The following ECHDC3 variants were observed in gnomAD, a reference collection of about 807,000 sequenced individuals.
ECHDC3 encodes enoyl-CoA hydratase domain-containing protein 3, mitochondrial.
A neutral mutation model predicts 17.9 loss-of-function variants in ECHDC3; 20 were observed. The observed-to-expected ratio is 1.12, with a 90% CI of 0.79 to 1.63. ECHDC3 has a LOEUF of 1.63. ECHDC3 is among the 40% of genes most tolerant of loss of function. The pLI is 0.00. For missense variants in ECHDC3, 407 were observed against 357.7 expected (o/e 1.14, Z -1.11); for synonymous variants, 177 against 149.7 (o/e 1.18, Z -1.33).
chr10:11,763,566 C>A lies in ECHDC3; in HGVS notation c.*22C>A. ...GTGAGTGGAGGCAGAGGAGTGAGGC[C>A]CACGGGCAGCGCCCAGGAGCCCACC... On this transcript the variant is annotated 3_prime_UTR_variant, in exon 5 of 5. Coordinates refer to ENST00000379215, the MANE Select transcript of ECHDC3 (RefSeq NM_024693.5). This position sits in a 1 kb window ranked among gnomAD's most constrained non-coding sequence, Gnocchi z 4.9. 6.8e-7 allele frequency: 1 copy of A among 1,474,982 alleles called. No homozygotes were observed. The highest frequency in any genetic ancestry group is 2.5e-5 in the East Asian group (1 of 40,542). The allele number at this position is 1,474,982 out of a possible 1,614,324, so 91.4% of individuals were successfully genotyped here. A position where few individuals can be genotyped will look rare whatever the true frequency, so the allele number is the denominator to read the frequency against.
intron 4 of ECHDC3, among the ~76,000 whole-genome samples, chr10:11,757,239 G>A (rs1289016601): frequency 1.3e-5 from 2 of 152,202 alleles, no homozygotes; most frequent in Admixed American, 6.5e-5. Context: ...CTTGAAGTCA[G>A]CCCTACTGTC....
chr10:11,743,158 G>T (rs570340232), intron 1 of ECHDC3, among the ~76,000 whole-genome samples: 12 of 152,300 alleles, frequency 7.9e-5, no homozygotes, highest in South Asian at 4.1e-4. Flanking sequence ...TGCCCTTGTG[G>T]CTACGGGCCC....
chr10:11,763,583 G>T lies in ECHDC3; in HGVS notation c.*39G>T. On this transcript the variant is annotated 3_prime_UTR_variant, in exon 5 of 5. Coordinates refer to ENST00000379215, the MANE Select transcript of ECHDC3 (RefSeq NM_024693.5). This position sits in a 1 kb window ranked among gnomAD's most constrained non-coding sequence, Gnocchi z 4.9. ...AGTGAGGCCCACGGGCAGCGCCCAG[G>T]AGCCCACCTTCCCCTCTGGCCCAGC... 1 of 1,456,630 alleles carries T rather than the reference G, an allele frequency of 6.9e-7. No individual in the cohort carries two copies. Among genetic ancestry groups the T allele is most frequent in the Non-Finnish European group, 9.0e-7 (1 of 1,107,166 alleles). 90.2% of individuals were successfully genotyped at this position (1,456,630 alleles called of 1,614,324 possible).
intron 1 of ECHDC3, among the ~76,000 whole-genome samples, chr10:11,746,143 C>T (rs1219472427): frequency 1.3e-5 from 2 of 152,034 alleles, no homozygotes; most frequent in Non-Finnish European, 2.9e-5. Flanking sequence ...GCCTGGCCAA[C>T]ATGGTGAAAC....
In ECHDC3 at chr10:11,763,697, A is replaced by C. The variant is rs1832980675; in HGVS notation, c.*153A>C. 1 of 1,422,542 alleles carries C rather than the reference A, an allele frequency of 7.0e-7. No homozygotes were observed. The highest frequency in any genetic ancestry group is 9.2e-7 in the Non-Finnish European group (1 of 1,092,242). The allele number at this position is 1,422,542 out of a possible 1,614,324, so 88.1% of individuals were successfully genotyped here. A position where few individuals can be genotyped will look rare whatever the true frequency, so the allele number is the denominator to read the frequency against. On this transcript the variant is annotated 3_prime_UTR_variant, in exon 5 of 5. Coordinates refer to ENST00000379215, the MANE Select transcript of ECHDC3 (RefSeq NM_024693.5). This position sits in a 1 kb window ranked among gnomAD's most constrained non-coding sequence, Gnocchi z 4.9. ...GCATTTGGCCTACATTAAAAGCCAC[A>C]ATTTCATGGGGAAAGGACAAAATGG...
chr10:11,756,683 T>G (rs1303731169), intron 4 of ECHDC3, among the ~76,000 whole-genome samples: 1 of 152,082 alleles, frequency 6.6e-6, no homozygotes, highest in Non-Finnish European at 1.5e-5. Context: ...CTGGCTAAAG[T>G]GTCTTCAGAC....
At chr10:11,752,490 T>A (rs1832837829) in intron 3 of ECHDC3, among the ~76,000 whole-genome samples, 2 of 151,898 alleles carry the variant, frequency 1.3e-5, no homozygotes, top group Admixed American at 6.6e-5. Context: ...AGTAAAAGAT[T>A]ACCGATGTCA....
intron 3 of ECHDC3, among the ~76,000 whole-genome samples, chr10:11,750,476 A>G (rs1325075876): frequency 6.6e-6 from 1 of 152,212 alleles, no homozygotes; most frequent in East Asian, 1.9e-4. Context: ...CACCATATTA[A>G]GGAGGAAAAA....
At chr10:11,747,547 C>T (rs1832776256) in intron 2 of ECHDC3, 77 bp downstream of exon 2, 1 of 1,524,632 alleles carries the variant, frequency 6.6e-7, no homozygotes, top group African/African-American at 1.4e-5. Flanking sequence ...ACTGGGGCAT[C>T]CCTTTATTTA....
intron 3 of ECHDC3, among the ~76,000 whole-genome samples, chr10:11,751,697 G>A (rs1324364530): frequency 2.0e-5 from 3 of 152,204 alleles, no homozygotes; most frequent in African/African-American, 7.2e-5. Context: ...AGTAGAATGA[G>A]AATGAGAAGA....
At position 11,763,771 on chromosome 10, in the gene ECHDC3, C is replaced by T. The variant is rs191013878; in HGVS notation, c.*227C>T. The T allele has an allele frequency of 1.7e-4, 222 of 1,318,422 alleles. No homozygotes were observed. In the East Asian group the frequency reaches 4.9e-3, roughly 29 times the overall value. The allele number at this position is 1,318,422 out of a possible 1,614,324, so 81.7% of individuals were successfully genotyped here. A position where few individuals can be genotyped will look rare whatever the true frequency, so the allele number is the denominator to read the frequency against. On this transcript the variant is annotated 3_prime_UTR_variant, in exon 5 of 5. Transcript: ENST00000379215. The surrounding 1 kb of genome is among the most constrained non-coding windows in gnomAD (Gnocchi z 4.9). The stretch of plus-strand genomic sequence containing the variant: ...AGTGCAAGGCTGGTGAACCCTGCAG[C>T]GGGCCAGCTATGGTGGGAAGCCTGG...
intron 1 of ECHDC3, 94 bp from the exon 2 acceptor site, chr10:11,747,255 G>A (rs978115735): frequency 2.0e-6 from 3 of 1,519,696 alleles, no homozygotes; most frequent in Non-Finnish European, 1.8e-6. Flanking sequence ...TTTCTTGTCT[G>A]TTAAAAATAC....
intron 4 of ECHDC3, among the ~76,000 whole-genome samples, chr10:11,759,356 T>TAAAAAAAAAA (rs151106517): frequency 3.1e-5 from 4 of 127,380 alleles, no homozygotes; most frequent in African/African-American, 1.4e-4. Flanking sequence ...CTCCATCTCT[T>TAAAAAAAAAA]AAAAAAAAAA....
At chr10:11,758,159 A>C (rs909589200) in intron 4 of ECHDC3, among the ~76,000 whole-genome samples, 3 of 152,178 alleles carry the variant, frequency 2.0e-5, no homozygotes, top group African/African-American at 7.2e-5. Flanking sequence ...GGCAGAAACT[A>C]TGCAATCAAG....
chr10:11,742,598 C>G lies in ECHDC3; in HGVS notation c.22C>G (p.Arg8Gly). The change falls in exon 1 of 5, where the codon CGG becomes GGG. Residue 8 changes from arginine to glycine, a missense_variant. Coordinates refer to ENST00000379215, the MANE Select transcript of ECHDC3 (RefSeq NM_024693.5). ...TGCTATGGCCGCCGTCGCCGTCTTGCGGGCCTTCGGGGCAAGTGGGCCCAT... is the reference window on the plus strand; with the variant it reads ...TGCTATGGCCGCCGTCGCCGTCTTGGGGGCCTTCGGGGCAAGTGGGCCCAT... MAAVAVL[R>G]AFGASGPMCL... The G allele has an allele frequency of 1.5e-6, 2 of 1,292,498 alleles. No individual in the cohort carries two copies. Among genetic ancestry groups the G allele is most frequent in the Non-Finnish European group, 2.0e-6 (2 of 1,020,978 alleles). The allele number at this position is 1,292,498 out of a possible 1,614,324, so 80.1% of individuals were successfully genotyped here.
intron 4 of ECHDC3, among the ~76,000 whole-genome samples, chr10:11,757,882 A>G (rs1022355319): frequency 6.6e-6 from 1 of 152,198 alleles, no homozygotes; most frequent in Non-Finnish European, 1.5e-5. Flanking sequence ...TAACAATCTA[A>G]TAAACCTGAC....
Position 11,763,312 on chromosome 10 carries a change from C to T in ECHDC3, c.680C>T (p.Ala227Val), listed in dbSNP as rs145937779. The T allele has an allele frequency of 2.4e-5, 19 of 780,136 alleles. No homozygotes were observed. The highest frequency in any genetic ancestry group is 9.7e-5 in the East Asian group (4 of 41,236). 48.3% of individuals were successfully genotyped at this position (780,136 alleles called of 1,614,324 possible). A position where few individuals can be genotyped will look rare whatever the true frequency, so the allele number is the denominator to read the frequency against. ...HGLLSKVVPE[A>V]ELQEETMRIA... ...CTGCTTAGCAAGGTGGTGCCAGAGG[C>T]GGAGCTGCAGGAGGAGACCATGCGG... is the stretch of plus-strand genomic sequence containing the variant. The change falls in exon 5 of 5, where the codon GCG becomes GTG. Residue 227 changes from alanine (A) to valine (V), a missense_variant. By Grantham distance (64) the Ala-to-Val change is moderately conservative. Transcript: ENST00000379215. This position sits in a 1 kb window ranked among gnomAD's most constrained non-coding sequence, Gnocchi z 4.9.
rs60026953 is a variant in ECHDC3, at chr10:11,747,725, C to T, written c.292+255C>T. Among the ~76,000 whole-genome samples, 966 of 152,306 alleles carry T rather than the reference C, an allele frequency of 6.3e-3. 7 individuals are homozygous for T. Among genetic ancestry groups the T allele is most frequent in the African/African-American group, 0.022 (894 of 41,542 alleles). On this transcript the variant is annotated intron_variant, in intron 2 of 4. Transcript: ENST00000379215. ...TGTCAGATACTAAAACATTTCTGTA[C>T]TTGGCTATACTGGTCTTCCCCTCAA...
In ECHDC3 at chr10:11,743,368, C is replaced by G. The variant is rs141644406; in HGVS notation, c.170+622C>G. On this transcript the variant is annotated intron_variant, in intron 1 of 4. Transcript: ENST00000379215. Reference sequence around the variant, plus strand: ...AAATAAAACGTCGTCTTCTCCTACCCTGAGATGTTCACCTTCCGAAGAAGA... The same window carrying G: ...AAATAAAACGTCGTCTTCTCCTACCGTGAGATGTTCACCTTCCGAAGAAGA... Among the ~76,000 whole-genome samples, 399 of 152,358 alleles carry G rather than the reference C, an allele frequency of 2.6e-3. 1 individual carries two copies. Among genetic ancestry groups the G allele is most frequent in the African/African-American group, 9.4e-3 (391 of 41,584 alleles).
Sources: allele counts gnomAD v4.1 joint callset (sites outside exome capture counted in the v4.1 genomes callset), GRCh38; gene constraint gnomAD v4.1.1; non-coding constraint Gnocchi (gnomAD v3.1); transcripts MANE v1.5; gene names NCBI Gene and HGNC (gene_info 2026-07-23, HGNC 2026-07-21).